RGS7: variants seen among roughly 807,000 people sequenced by gnomAD.
RGS7 encodes regulator of G-protein signaling 7.
RGS7 carries 27 observed loss-of-function variants against 81.1 expected under a neutral mutation model. The observed-to-expected ratio is 0.33, with a 90% CI of 0.25 to 0.46. The LOEUF is 0.46. Ranked by LOEUF, RGS7 falls within the 20% of genes least tolerant of loss-of-function variation. The pLI, the probability that RGS7 is intolerant of heterozygous loss-of-function variation, is 1.00. For missense variants in RGS7, 396 were observed against 607.4 expected (o/e 0.65, Z 3.66); for synonymous variants, 208 against 207.7 (o/e 1.00, Z -0.01).
intron 3 of RGS7, chr1:240,998,394 G>A (rs1385117696): frequency 5.2e-6 from 3 of 571,898 alleles, no homozygotes; most frequent in Non-Finnish European, 9.2e-6. Flanking sequence ...ATTTCTTCAA[G>A]TACTTTTTTT....
chr1:240,823,610 G>A (rs570834737), intron 10 of RGS7, among the ~76,000 whole-genome samples: 13 of 152,346 alleles, frequency 8.5e-5, no homozygotes, highest in African/African-American at 3.1e-4. Context: ...ACACGCCGCG[G>A]TGGGTCCCTG....
intron 3 of RGS7, among the ~76,000 whole-genome samples, chr1:240,991,967 C>A (rs538202853): frequency 6.6e-6 from 1 of 152,062 alleles, no homozygotes; most frequent in East Asian, 1.9e-4. Context: ...GTTTATTGAT[C>A]GATAAATTAA....
In RGS7 at chr1:241,242,674, C is replaced by G. The variant is rs12029282; in HGVS notation, c.78+113025G>C. ...GATTTTCTGATTATGGCCATTCTTG[C>G]AGAAGGAGTAAGGTGGTATCACACG... On this transcript the variant is annotated intron_variant, in intron 2 of 18. Transcript: ENST00000440928. Among the ~76,000 whole-genome samples the G allele has an allele frequency of 2.3e-3, 353 of 152,240 alleles. 7 individuals are homozygous for G. The East Asian group carries it at 0.049, about 21-fold the overall frequency.
chr1:240,906,172 G>A (rs1012249415), intron 6 of RGS7, among the ~76,000 whole-genome samples: 56 of 152,244 alleles, frequency 3.7e-4, no homozygotes, highest in Admixed American at 1.8e-3. Context: ...CAACAAGGCT[G>A]TGTTGATCAC....
At chr1:241,253,388 C>T (rs1270554186) in intron 2 of RGS7, among the ~76,000 whole-genome samples, 1 of 152,070 alleles carries the variant, frequency 6.6e-6, no homozygotes, top group African/African-American at 2.4e-5. Context: ...TAAACGTGTG[C>T]CCACTTCTTC....
At chr1:241,318,514 T>C (rs1029945660) in intron 2 of RGS7, among the ~76,000 whole-genome samples, 1 of 151,958 alleles carries the variant, frequency 6.6e-6, no homozygotes, top group Non-Finnish European at 1.5e-5. Context: ...TGGAGTGCAA[T>C]GGTGCAATCT....
chr1:240,886,287 C>A (rs949891203), intron 6 of RGS7, among the ~76,000 whole-genome samples: 15 of 152,132 alleles, frequency 9.9e-5, no homozygotes, highest in African/African-American at 3.6e-4. Context: ...CACAATAATC[C>A]ATCCAGTGGA....
At chr1:241,053,662 T>C (rs1049411671) in intron 3 of RGS7, among the ~76,000 whole-genome samples, 2 of 152,202 alleles carry the variant, frequency 1.3e-5, no homozygotes, top group Admixed American at 6.5e-5. Flanking sequence ...AGACATCTGA[T>C]ATGGTTTGGC....
At chr1:240,795,676 A>G (rs1686935424) in intron 18 of RGS7, among the ~76,000 whole-genome samples, 1 of 152,208 alleles carries the variant, frequency 6.6e-6, no homozygotes, top group Non-Finnish European at 1.5e-5. Context: ...AGATGATCAG[A>G]AAAATTACAG....
intron 2 of RGS7, among the ~76,000 whole-genome samples, chr1:241,154,046 T>C (rs2068940929): frequency 6.6e-6 from 1 of 152,232 alleles, no homozygotes; most frequent in Non-Finnish European, 1.5e-5. Context: ...ATCCAAACAC[T>C]GGCAGCCCTG....
intron 6 of RGS7, among the ~76,000 whole-genome samples, chr1:240,900,115 T>A (rs185247463): frequency 5.6e-4 from 85 of 152,334 alleles, no homozygotes; most frequent in African/African-American, 1.9e-3. Context: ...GTAGTTCTCA[T>A]GCCACGGTTT....
At chr1:241,212,897 A>G (rs1277802561) in intron 2 of RGS7, among the ~76,000 whole-genome samples, 1 of 152,208 alleles carries the variant, frequency 6.6e-6, no homozygotes, top group African/African-American at 2.4e-5. Context: ...CGGTTAGATG[A>G]TAACTCTTTG....
At chr1:240,835,385 C>T (rs1314784684) in intron 9 of RGS7, among the ~76,000 whole-genome samples, 4 of 152,146 alleles carry the variant, frequency 2.6e-5, no homozygotes, top group African/African-American at 4.8e-5. Context: ...ATTGAAATAA[C>T]GAGATACCAC....
chr1:240,807,974 G>T (rs556095985), intron 14 of RGS7, among the ~76,000 whole-genome samples: 3 of 149,218 alleles, frequency 2.0e-5, no homozygotes, highest in African/African-American at 7.5e-5. Context: ...AGTGGAGGTT[G>T]CAGTGAGCAG....
chr1:240,788,646 A>G (rs1276744864), intron 18 of RGS7, among the ~76,000 whole-genome samples: 2 of 152,230 alleles, frequency 1.3e-5, no homozygotes, highest in African/African-American at 2.4e-5. Context: ...GCGGATGTTT[A>G]GTAAGGAGAG....
Position 240,838,843 on chromosome 1 carries a change from C to T in RGS7, c.610-11671G>A, listed in dbSNP as rs1037119323. 2.6e-5 allele frequency among the ~76,000 whole-genome samples: 4 copies of T among 151,822 alleles called. No homozygotes were observed. In the East Asian group the frequency reaches 5.8e-4, roughly 22 times the overall value. On this transcript the variant is annotated intron_variant, in intron 9 of 18. Coordinates refer to ENST00000440928, the MANE Select transcript of RGS7 (RefSeq NM_001364886.1). ...GTGCAGTGGCGCCATCTCGGCTCACCGCAAGCTCCGCCTCCTAGGTTCACG... is the reference window on the plus strand; with the variant it reads ...GTGCAGTGGCGCCATCTCGGCTCACTGCAAGCTCCGCCTCCTAGGTTCACG...
intron 3 of RGS7, among the ~76,000 whole-genome samples, chr1:241,072,785 A>G (rs1185096825): frequency 6.6e-6 from 1 of 152,168 alleles, no homozygotes; most frequent in Non-Finnish European, 1.5e-5. Flanking sequence ...ATAGCACCAG[A>G]GGCAGGATGG....
At chr1:241,256,878 T>C (rs2077072921) in intron 2 of RGS7, among the ~76,000 whole-genome samples, 1 of 151,134 alleles carries the variant, frequency 6.6e-6, no homozygotes, top group South Asian at 2.1e-4. Context: ...ATTTGTCAAC[T>C]TCTCCCGTAG....
chr1:240,883,664 T>C (rs1666819693), intron 6 of RGS7, among the ~76,000 whole-genome samples: 1 of 152,200 alleles, frequency 6.6e-6, no homozygotes, highest in Non-Finnish European at 1.5e-5. Context: ...CCAGCTGATG[T>C]CAACCAAGAC....
Sources: gnomAD v4.1 joint callset for allele counts (sites outside exome capture counted in the v4.1 genomes callset) on GRCh38, gnomAD v4.1.1 for gene constraint, MANE v1.5 for transcripts, NCBI Gene and HGNC (gene_info 2026-07-23, HGNC 2026-07-21) for gene names.